The following CDK12 variants were observed in gnomAD, a reference collection of about 807,000 sequenced individuals.
CDK12 encodes the protein cyclin dependent kinase 12, also known as cyclin-dependent kinase 12.
In CDK12, 17 loss-of-function variants were observed where a neutral mutation model predicts 133.8. The ratio of observed to expected loss-of-function variants is 0.13; its 90% CI spans 0.09 to 0.19. The LOEUF is 0.19. Among genes scored for constraint, CDK12 ranks in the 10% least tolerant of loss-of-function variants. The pLI, the probability that CDK12 is intolerant of heterozygous loss-of-function variation, is 1.00. For synonymous variants in CDK12, 694 were observed against 683.6 expected (o/e 1.02, Z -0.24); for missense variants, 1,508 against 1,818.7 (o/e 0.83, Z 3.11).
At position 39,470,875 on chromosome 17, in the gene CDK12, C is replaced by G; in HGVS notation, c.1047-4C>G. 6.3e-7 allele frequency: 1 copy of G among 1,587,572 alleles called. No homozygotes were observed. Among genetic ancestry groups the G allele is most frequent in the African/African-American group, 1.4e-5 (1 of 73,230 alleles). On this transcript the variant is annotated splice_region_variant and splice_polypyrimidine_tract_variant and intron_variant, in intron 1 of 13. Transcript: ENST00000447079. ...CATTTAAAACTGGCTTTTTATTTTT[C>G]CAGTAGGAAATCCATGAAGTCCAGA...
At chr17:39,506,759 A>T (rs1221432292) in intron 6 of CDK12, among the ~76,000 whole-genome samples, 5 of 152,194 alleles carry the variant, frequency 3.3e-5, no homozygotes, top group African/African-American at 1.2e-4. Flanking sequence ...AGTTCTTCTC[A>T]AAAGGCAAAA....
chr17:39,488,983 C>T (rs1444930969), intron 2 of CDK12, among the ~76,000 whole-genome samples: 1 of 151,904 alleles, frequency 6.6e-6, no homozygotes, highest in Admixed American at 6.6e-5. Context: ...TGCAGTCGTG[C>T]GATCTCAGCT....
chr17:39,486,220 G>A (rs920842903), intron 2 of CDK12, among the ~76,000 whole-genome samples: 7 of 147,572 alleles, frequency 4.7e-5, no homozygotes, highest in Non-Finnish European at 8.9e-5. Context: ...CCAAAGTGCT[G>A]GGATTACAGA....
intron 8 of CDK12, among the ~76,000 whole-genome samples, chr17:39,512,234 C>A (rs893891192): frequency 6.6e-6 from 1 of 152,102 alleles, no homozygotes. Context: ...TGACTACAGG[C>A]GTATGTTGCC....
At chr17:39,477,366 G>A (rs1317832418) in intron 2 of CDK12, among the ~76,000 whole-genome samples, 6 of 151,816 alleles carry the variant, frequency 4.0e-5, no homozygotes, top group Non-Finnish European at 8.8e-5. Flanking sequence ...CTCCCAAGTA[G>A]CTGGGACTAC....
At chr17:39,504,971 C>A (rs943960640) in intron 6 of CDK12, among the ~76,000 whole-genome samples, 1 of 150,756 alleles carries the variant, frequency 6.6e-6, no homozygotes, top group Non-Finnish European at 1.5e-5. Flanking sequence ...TGGCTCACAC[C>A]TGTAATCCCA....
chr17:39,482,620 T>TTTTTTTTTTTTTA (rs2050807128), intron 2 of CDK12, among the ~76,000 whole-genome samples: 5 of 145,958 alleles, frequency 3.4e-5, no homozygotes, highest in South Asian at 2.3e-4. Flanking sequence ...TTTTTTTTTT[T>TTTTTTTTTTTTTA]GAGGCAGAGT....
intron 2 of CDK12, among the ~76,000 whole-genome samples, chr17:39,553,070 G>C (rs1454484288): frequency 6.6e-6 from 1 of 152,196 alleles, no homozygotes; most frequent in South Asian, 2.1e-4. Flanking sequence ...GCGGGGAAGA[G>C]GGATGACTTG....
At chr17:39,519,358 G>A (rs2054020538) in intron 10 of CDK12, among the ~76,000 whole-genome samples, 1 of 142,508 alleles carries the variant, frequency 7.0e-6, no homozygotes, top group Non-Finnish European at 1.5e-5. Flanking sequence ...TAGGCTGGAG[G>A]AGTGCAGCAG....
At chr17:39,544,863 C>T (rs933282913), upstream of CDK12, among the ~76,000 whole-genome samples, 1 of 152,070 alleles carries the variant, frequency 6.6e-6, no homozygotes, top group African/African-American at 2.4e-5. Flanking sequence ...CTCCCGACCT[C>T]AGGTAATCCG....
In CDK12 at chr17:39,492,794, G is replaced by C; in HGVS notation, c.2152G>C (p.Asp718His). ...TGGAGAAAGAAGACAAACAGAAAGCGACTGGGGGAAACGCTGTGTGGACAA... is the reference window on the plus strand; with the variant it reads ...TGGAGAAAGAAGACAAACAGAAAGCCACTGGGGGAAACGCTGTGTGGACAA... Reference protein sequence around the residue: ...RYGERRQTESDWGKRCVDKFD... With the variant: ...RYGERRQTESHWGKRCVDKFD... The change falls in exon 4 of 14, where the codon GAC becomes CAC. Residue 718 changes from aspartate (D) to histidine (H), a missense_variant. Physicochemically the swap from Asp to His is moderately conservative, Grantham distance 81 (BLOSUM62 -1). Transcript: ENST00000447079. 6.2e-7 allele frequency: 1 copy of C among 1,613,006 alleles called. No homozygotes were observed. Among genetic ancestry groups the C allele is most frequent in the Non-Finnish European group, 8.5e-7 (1 of 1,179,368 alleles).
chr17:39,531,363 C>G lies in CDK12; in HGVS notation c.*47C>G. 7.3e-7 allele frequency: 1 copy of G among 1,379,024 alleles called. No homozygotes were observed. The highest frequency in any genetic ancestry group is 9.4e-7 in the Non-Finnish European group (1 of 1,060,350). 85.4% of individuals were successfully genotyped at this position (1,379,024 alleles called of 1,614,324 possible). On this transcript the variant is annotated 3_prime_UTR_variant, in exon 14 of 14. Transcript: ENST00000447079. ...AAAGATTCCTTTCCTATCCATCCTT[C>G]CATCCAGTTCTCTGAATCTTTAATG...
intron 9 of CDK12, among the ~76,000 whole-genome samples, chr17:39,516,448 C>G (rs1257941515): frequency 6.6e-6 from 1 of 151,518 alleles, no homozygotes; most frequent in Non-Finnish European, 1.5e-5. Flanking sequence ...CCTCAAACTC[C>G]TGCACTCAAG....
At chr17:39,465,522 TG>T (rs1022006461) in intron 1 of CDK12, among the ~76,000 whole-genome samples, 8 of 151,988 alleles carry the variant, frequency 5.3e-5, no homozygotes, top group African/African-American at 1.9e-4. Context: ...AGTCTTGTTT[TG>T]TTGCCCAGGC....
intron 2 of CDK12, among the ~76,000 whole-genome samples, chr17:39,553,955 A>G (rs1448969198): frequency 6.6e-6 from 1 of 152,168 alleles, no homozygotes; most frequent in East Asian, 1.9e-4. Flanking sequence ...AAAACAGGGA[A>G]ATGGGAGAGA....
chr17:39,488,917 T>C lies in CDK12; in HGVS notation c.1932-1640T>C, dbSNP rs543222449. ...CCAAGTAGCTGGAAACACACACTTA[T>C]ACCACCATGTCCAGCTAATTATTTT... is the stretch of plus-strand genomic sequence containing the variant. On this transcript the variant is annotated intron_variant, in intron 2 of 13. Coordinates refer to ENST00000447079, the MANE Select transcript of CDK12 (RefSeq NM_016507.4). Among the ~76,000 whole-genome samples, 10 of 151,982 alleles carry C rather than the reference T, an allele frequency of 6.6e-5. No individual in the cohort carries two copies. The South Asian group carries it at 1.0e-3, about 16-fold the overall frequency.
intron 5 of CDK12, among the ~76,000 whole-genome samples, chr17:39,498,704 A>AT (rs2052336326): frequency 6.6e-6 from 1 of 151,172 alleles, no homozygotes; most frequent in Non-Finnish European, 1.5e-5. Flanking sequence ...TAATTTATAA[A>AT]TTTTTTTGTG....
chr17:39,469,145 G>A (rs1009327554), intron 1 of CDK12, among the ~76,000 whole-genome samples: 2 of 152,146 alleles, frequency 1.3e-5, no homozygotes, highest in South Asian at 2.1e-4. Context: ...TTTTTGTTTT[G>A]TCACACATTG....
chr17:39,477,008 C>T (rs1035206889), intron 2 of CDK12, among the ~76,000 whole-genome samples: 4 of 151,210 alleles, frequency 2.6e-5, no homozygotes, highest in Non-Finnish European at 5.9e-5. Context: ...ACCACCAAGT[C>T]CAGCCCTAAT....
Sources: allele counts gnomAD v4.1 joint callset (sites outside exome capture counted in the v4.1 genomes callset), GRCh38; gene constraint gnomAD v4.1.1; transcripts MANE v1.5; gene names NCBI Gene and HGNC (gene_info 2026-07-23, HGNC 2026-07-21).